The following HEATR5A variants were observed in gnomAD, a reference collection of about 807,000 sequenced individuals.
HEATR5A encodes HEAT repeat containing 5A.
A neutral mutation model predicts 218.8 loss-of-function variants in HEATR5A; 178 were observed. The ratio of observed to expected loss-of-function variants is 0.81; its 90% CI spans 0.72 to 0.92. HEATR5A has a LOEUF of 0.92. Among genes scored for constraint, HEATR5A ranks in the 40% least tolerant of loss-of-function variants. The pLI, the probability that HEATR5A is intolerant of heterozygous loss-of-function variation, is 0.00. For synonymous variants in HEATR5A, 864 were observed against 871.6 expected, an observed-to-expected ratio of 0.99 and a Z score of 0.15; for missense variants, 2,420 against 2,418.9, an observed-to-expected ratio of 1.00 and a Z score of -0.01.
chr14:31,376,417 G>A (rs774404731), intron 11 of HEATR5A, among the ~76,000 whole-genome samples: 1 of 152,230 alleles, frequency 6.6e-6, no homozygotes, highest in Non-Finnish European at 1.5e-5. Context: ...GGAGGCTGAT[G>A]CAGGAGGATC....
At chr14:31,394,772 C>T (rs577176342) in intron 5 of HEATR5A, among the ~76,000 whole-genome samples, 12 of 152,122 alleles carry the variant, frequency 7.9e-5, no homozygotes, top group African/African-American at 2.4e-4. Context: ...GAGCCGAGAT[C>T]GCGCCTCTAC....
chr14:31,400,474 C>G lies in HEATR5A; in HGVS notation c.165G>C (p.Gln55His). ...GGGAGCTGTTCAACAAAGACAGGAG[C>G]TGTTCAACAAGAGTCTTCTGTTTCT... ...VREKQKTLVEQLLSLLNSSPG... is the reference protein window; with the variant it reads ...VREKQKTLVEHLLSLLNSSPG... The change falls in exon 3 of 36, where the codon CAG (glutamine) becomes CAC (histidine). Residue 55 changes from glutamine to histidine, a missense_variant. Gln to His is a conservative substitution (Grantham distance 24). Transcript: ENST00000543095. 6.5e-7 allele frequency: 1 copy of G among 1,535,844 alleles called. No homozygotes were observed. The highest frequency in any genetic ancestry group is 8.7e-7 in the Non-Finnish European group (1 of 1,146,744).
Position 31,323,721 on chromosome 14 carries a change from G to C in HEATR5A, c.3631C>G (p.Arg1211Gly). 1 of 1,613,412 alleles carries C rather than the reference G, an allele frequency of 6.2e-7. No individual in the cohort carries two copies. The highest frequency in any genetic ancestry group is 1.1e-5 in the South Asian group (1 of 91,072). The change falls in exon 24 of 36, where the codon CGT (arginine) becomes GGT (glycine). Residue 1211 changes from arginine (R) to glycine (G), a missense_variant. By Grantham distance (125) the Arg-to-Gly change is moderately radical (BLOSUM62 -2). Transcript: ENST00000543095. ...GTAAAAGGATGGGATTTTTCATCAC[G>C]TCTGGTGGTCAGGACTGAGGCATCA... ...GDDASVLTTRRDEKSHPFTNP... is the reference protein window; with the variant it reads ...GDDASVLTTRGDEKSHPFTNP...
chr14:31,345,698 T>C (rs1595120378), intron 19 of HEATR5A, among the ~76,000 whole-genome samples: 2 of 152,320 alleles, frequency 1.3e-5, no homozygotes, highest in East Asian at 3.9e-4. Flanking sequence ...TCCATTTACA[T>C]AAAGTATAGA....
intron 22 of HEATR5A, among the ~76,000 whole-genome samples, chr14:31,335,970 T>A (rs1900636912): frequency 2.9e-5 from 1 of 34,236 alleles, no homozygotes; most frequent in Non-Finnish European, 6.0e-5. Context: ...GTAAGATAAT[T>A]ACCTTTTTTT....
intron 1 of HEATR5A, among the ~76,000 whole-genome samples, chr14:31,417,282 C>T (rs1179211735): frequency 6.6e-6 from 1 of 151,708 alleles, no homozygotes; most frequent in Non-Finnish European, 1.5e-5. Flanking sequence ...TAGAGTTGGC[C>T]GGGGCGGTGG....
intron 1 of HEATR5A, among the ~76,000 whole-genome samples, chr14:31,411,514 T>C (rs1373014614): frequency 6.6e-6 from 1 of 152,314 alleles, no homozygotes; most frequent in East Asian, 1.9e-4. Context: ...CTTTGTGGAA[T>C]GCTGCCAGAA....
At position 31,302,429 on chromosome 14, in the gene HEATR5A, G is replaced by A. The variant is rs377132147; in HGVS notation, c.5330C>T (p.Ser1777Leu). Residue 1777 changes from serine to leucine, a missense_variant, in exon 33 of 36, where the codon TCG becomes TTG. Coordinates refer to ENST00000543095, the MANE Select transcript of HEATR5A (RefSeq NM_015473.4). ...AVKLPGGQLS[S>L]TVAASLQALK... ...AGCCTGTAGGGAAGCTGCAACTGTC[G>A]AAGATAACTGGCCCCCAGGTAACTT... 151 of 1,598,402 alleles carry A rather than the reference G, an allele frequency of 9.4e-5. No homozygotes were observed. Among genetic ancestry groups the A allele is most frequent in the Middle Eastern group, 6.6e-4 (4 of 6,050 alleles).
rs1190410311 is a variant in HEATR5A, at chr14:31,307,964, T to A, written c.4747A>T (p.Thr1583Ser). ...LRSDATMESI[T>S]ACLHALQALL... ...GCTTGCAATGCATGTAAACAAGCAG[T>A]TATGCTTTCCATGGTTGCATCTGAA... The change falls in exon 30 of 36, where the codon ACT becomes TCT. Residue 1583 changes from threonine to serine, a missense_variant. Coordinates refer to ENST00000543095, the MANE Select transcript of HEATR5A (RefSeq NM_015473.4). The A allele has an allele frequency of 6.2e-7, 1 of 1,613,612 alleles. No individual in the cohort carries two copies. Among genetic ancestry groups the A allele is most frequent in the Non-Finnish European group, 8.5e-7 (1 of 1,179,728 alleles).
intron 2 of HEATR5A, among the ~76,000 whole-genome samples, chr14:31,401,523 G>A (rs757331000): frequency 4.6e-5 from 7 of 152,106 alleles, no homozygotes; most frequent in African/African-American, 1.2e-4. Context: ...GTGTGAGAAC[G>A]GACTAATACA....
At chr14:31,390,160 C>G (rs752692627) in intron 6 of HEATR5A, among the ~76,000 whole-genome samples, 1 of 152,182 alleles carries the variant, frequency 6.6e-6, no homozygotes, top group African/African-American at 2.4e-5. Context: ...TGAGTTTACA[C>G]AGAGCAATGG....
chr14:31,294,004 T>TC lies in HEATR5A; in HGVS notation c.5719dup (p.Glu1907GlyfsTer12), dbSNP rs1434994807. ...TCTCTTGTCTATTTCCTGCAGTTTT[T>TC]CCATGATACAGGATGCTAAAGAGTA... is the stretch of plus-strand genomic sequence containing the variant. On this transcript the variant is annotated frameshift_variant, in exon 35 of 36. Transcript: ENST00000543095. LOFTEE classifies it high-confidence loss of function. 6.2e-7 allele frequency: 1 copy of TC among 1,605,372 alleles called. No individual in the cohort carries two copies. The highest frequency in any genetic ancestry group is 1.3e-5 in the African/African-American group (1 of 74,874).
intron 11 of HEATR5A, among the ~76,000 whole-genome samples, chr14:31,379,481 C>G (rs1334735362): frequency 6.6e-6 from 1 of 152,058 alleles, no homozygotes; most frequent in Non-Finnish European, 1.5e-5. Context: ...AACTCCTGAC[C>G]TCAAGTGATC....
chr14:31,344,812 T>A (rs72642560), intron 20 of HEATR5A, among the ~76,000 whole-genome samples: 24,687 of 27,132 alleles, frequency 0.91, 11,822 homozygotes, highest in Middle Eastern at 1. Context: ...GACTTAGCCA[T>A]TTATTTCTTA....
At chr14:31,317,212 A>C (rs1001579828) in intron 26 of HEATR5A, among the ~76,000 whole-genome samples, 2 of 152,102 alleles carry the variant, frequency 1.3e-5, no homozygotes, top group Non-Finnish European at 2.9e-5. Context: ...GAACTGACTA[A>C]AATTAGTTTT....
intron 1 of HEATR5A, among the ~76,000 whole-genome samples, chr14:31,408,870 T>C (rs1236916310): frequency 7.1e-6 from 1 of 141,762 alleles, no homozygotes; most frequent in Non-Finnish European, 1.5e-5. Context: ...GGCGGGCGGA[T>C]CACGAGGTCA....
chr14:31,310,569 G>A (rs1899711849), intron 28 of HEATR5A, among the ~76,000 whole-genome samples: 1 of 152,118 alleles, frequency 6.6e-6, no homozygotes, highest in Admixed American at 6.6e-5. Flanking sequence ...GAACCCAGGA[G>A]GTGGAGGTTG....
At chr14:31,406,313 T>C (rs1190362465) in intron 1 of HEATR5A, among the ~76,000 whole-genome samples, 1 of 152,216 alleles carries the variant, frequency 6.6e-6, no homozygotes, top group African/African-American at 2.4e-5. Context: ...TTTCAAAGTA[T>C]AGTTAGTTGC....
At chr14:31,374,686 G>T in intron 12 of HEATR5A, 130 bp downstream of exon 12, 5 of 802,412 alleles carry the variant, frequency 6.2e-6, no homozygotes, top group Non-Finnish European at 9.5e-6. Flanking sequence ...TTTTTGTTCA[G>T]TTACAAAAAA....
Sources: allele counts gnomAD v4.1 joint callset (sites outside exome capture counted in the v4.1 genomes callset), GRCh38; gene constraint gnomAD v4.1.1; transcripts MANE v1.5; gene names NCBI Gene and HGNC (gene_info 2026-07-23, HGNC 2026-07-21).